The following GDA variants were observed in gnomAD, a reference collection of about 807,000 sequenced individuals.
The protein encoded by GDA is cytoplasmic PSD-95 interactor.
Under a neutral mutation model 59.6 loss-of-function variants are expected in GDA, and 18 were observed. The ratio of observed to expected loss-of-function variants is 0.30; its 90% CI spans 0.21 to 0.45. The LOEUF is 0.45. Among genes scored for constraint, GDA ranks in the 20% least tolerant of loss-of-function variants. The pLI is 1.00. For missense variants in GDA, 427 were observed against 552.3 expected (o/e 0.77, Z 2.27); for synonymous variants, 201 against 201.1 (o/e 1.00, Z 0.00).
In GDA at chr9:72,237,304, A is replaced by G. The variant is rs151155902; in HGVS notation, c.989-3848A>G. ...ATTACCACTGGAATTTCTGCTGCCA[A>G]CTCCAAAGGATGCCATTCTGTCCTC... On this transcript the variant is annotated intron_variant, in intron 10 of 13. Coordinates refer to ENST00000358399, the MANE Select transcript of GDA (RefSeq NM_004293.5). Among the ~76,000 whole-genome samples, 833 of 152,034 alleles carry G rather than the reference A, an allele frequency of 5.5e-3. 7 individuals carry two copies. The highest frequency in any genetic ancestry group is 0.018 in the African/African-American group (746 of 41,452).
rs79160562 is a variant in GDA at position 72,251,673 on chromosome 9, A to T, written c.*3331A>T. The T allele has an allele frequency of 1.8e-4, 28 of 151,810 alleles. No individual in the cohort carries two copies. The East Asian group carries it at 4.6e-3, about 25-fold the overall frequency. 9.4% of individuals were successfully genotyped at this position (151,810 alleles called of 1,614,324 possible). A position where few individuals can be genotyped will look rare whatever the true frequency, so the allele number is the denominator to read the frequency against. On this transcript the variant is annotated 3_prime_UTR_variant, in exon 14 of 14. Coordinates refer to ENST00000358399, the MANE Select transcript of GDA (RefSeq NM_004293.5). ...TTTTTTTTTGGACAGCTTCAAGGAGATGTTAGCAATTTCAGATATACTAGC... is the reference window on the plus strand; with the variant it reads ...TTTTTTTTTGGACAGCTTCAAGGAGTTGTTAGCAATTTCAGATATACTAGC...
chr9:72,219,166 A>G (rs1836520360), intron 5 of GDA, among the ~76,000 whole-genome samples: 1 of 152,114 alleles, frequency 6.6e-6, no homozygotes, highest in African/African-American at 2.4e-5. Context: ...GCACTTTGGG[A>G]AGCCGAGGAG....
At chr9:72,200,283 A>T (rs1288465269) in intron 2 of GDA, among the ~76,000 whole-genome samples, 1 of 152,068 alleles carries the variant, frequency 6.6e-6, no homozygotes, top group African/African-American at 2.4e-5. Flanking sequence ...GGCGTGAGCC[A>T]CCGTGCCCAG....
At chr9:72,138,500 T>C (rs1400399844) in intron 1 of GDA, among the ~76,000 whole-genome samples, 1 of 152,242 alleles carries the variant, frequency 6.6e-6, no homozygotes, top group Non-Finnish European at 1.5e-5. Flanking sequence ...TGCATACTTC[T>C]ACTGTTGCAC....
At chr9:72,208,272 T>C (rs1834963752) in intron 3 of GDA, among the ~76,000 whole-genome samples, 1 of 152,176 alleles carries the variant, frequency 6.6e-6, no homozygotes, top group Admixed American at 6.5e-5. Flanking sequence ...CCCTGTTTTT[T>C]CACAAAGGAG....
intron 2 of GDA, among the ~76,000 whole-genome samples, chr9:72,197,802 A>G (rs1048052533): frequency 1.3e-5 from 2 of 152,226 alleles, no homozygotes; most frequent in African/African-American, 4.8e-5. Context: ...TTAAAATACC[A>G]TAAAGGGATG....
intron 5 of GDA, 118 bp downstream of exon 5, chr9:72,214,109 A>AGT: frequency 1.6e-6 from 1 of 638,430 alleles, no homozygotes; most frequent in Non-Finnish European, 2.8e-6. Context: ...ATGTGCACAT[A>AGT]GTGACTCAGA....
At chr9:72,138,287 G>A (rs944892914) in intron 1 of GDA, among the ~76,000 whole-genome samples, 2 of 152,122 alleles carry the variant, frequency 1.3e-5, no homozygotes, top group Non-Finnish European at 2.9e-5. Flanking sequence ...TCTTTCTGGC[G>A]GCTTGTAGTT....
intron 5 of GDA, among the ~76,000 whole-genome samples, chr9:72,218,291 A>G (rs1836412914): frequency 6.6e-6 from 1 of 152,204 alleles, no homozygotes; most frequent in Admixed American, 6.5e-5. Flanking sequence ...GCCAAGACCA[A>G]ACATATTCTG....
intron 1 of GDA, among the ~76,000 whole-genome samples, chr9:72,130,750 ATTGATTC>A (rs1825999202): frequency 6.6e-6 from 1 of 152,204 alleles, no homozygotes; most frequent in Non-Finnish European, 1.5e-5. Flanking sequence ...TTAGAGTGAA[ATTGATTC>A]TTGTGTGAGC....
chr9:72,235,770 G>C (rs1838914899), intron 10 of GDA, among the ~76,000 whole-genome samples: 1 of 151,478 alleles, frequency 6.6e-6, no homozygotes, highest in Non-Finnish European at 1.5e-5. Context: ...AAAAATATTA[G>C]AGATAACTAC....
At chr9:72,165,113 G>A (rs371944409) in intron 1 of GDA, among the ~76,000 whole-genome samples, 82 of 152,132 alleles carry the variant, frequency 5.4e-4, no homozygotes, top group African/African-American at 2.0e-3. Context: ...CAATTCACTT[G>A]TGCTCATATT....
chr9:72,218,865 G>C (rs766914672), intron 5 of GDA, among the ~76,000 whole-genome samples: 3 of 152,182 alleles, frequency 2.0e-5, no homozygotes, highest in Non-Finnish European at 4.4e-5. Flanking sequence ...TCTCCAAACG[G>C]AGCTTGAGCT....
At chr9:72,149,993 A>C (rs757209323) in intron 1 of GDA, among the ~76,000 whole-genome samples, 22 of 151,696 alleles carry the variant, frequency 1.5e-4, no homozygotes, top group Non-Finnish European at 3.2e-4. Context: ...CCCCGTTCCA[A>C]TCCTAAGATA....
intron 2 of GDA, among the ~76,000 whole-genome samples, chr9:72,200,154 C>T (rs71485509): frequency 0.041 from 6,281 of 151,868 alleles, 194 homozygotes; most frequent in African/African-American, 0.079. Flanking sequence ...CCTGCCACCA[C>T]GCCTGGCTAA....
intron 1 of GDA, among the ~76,000 whole-genome samples, chr9:72,137,466 T>G (rs1053337073): frequency 1.3e-5 from 2 of 152,008 alleles, no homozygotes; most frequent in African/African-American, 4.8e-5. Flanking sequence ...CAGGATGGTC[T>G]CGATCTCCTG....
intron 3 of GDA, among the ~76,000 whole-genome samples, chr9:72,203,281 A>T (rs574175661): frequency 4.5e-4 from 68 of 152,360 alleles, no homozygotes; most frequent in Middle Eastern, 6.8e-3. Flanking sequence ...GAAATTTAAA[A>T]TTAAATATTT....
chr9:72,171,490 A>G lies in GDA; in HGVS notation c.123+21808A>G, dbSNP rs1260142245. On this transcript the variant is annotated intron_variant, in intron 1 of 13. Transcript: ENST00000358399. ...TTTTGATTTTGGTGACCTATTTTTT[A>G]TGGGTTCAATTTTGGTTAATCTTAA... Among the ~76,000 whole-genome samples the G allele has an allele frequency of 2.0e-5, 3 of 152,028 alleles. No homozygotes were observed. In the South Asian group the frequency reaches 6.2e-4, roughly 32 times the overall value.
intron 2 of GDA, among the ~76,000 whole-genome samples, chr9:72,196,701 CCA>C (rs1833232682): frequency 6.6e-6 from 1 of 152,018 alleles, no homozygotes; most frequent in East Asian, 1.9e-4. Flanking sequence ...GTTTTAAGCC[CCA>C]CATGCATTAG....
Sources: allele counts gnomAD v4.1 joint callset (sites outside exome capture counted in the v4.1 genomes callset), GRCh38; gene constraint gnomAD v4.1.1; transcripts MANE v1.5; gene names NCBI Gene and HGNC (gene_info 2026-07-23, HGNC 2026-07-21).